WASL: variants seen among roughly 807,000 people sequenced by gnomAD.
The protein encoded by WASL is actin nucleation-promoting factor WASL.
WASL carries 20 observed loss-of-function variants against 55.5 expected under a neutral mutation model. The ratio of observed to expected loss-of-function variants is 0.36; its 90% CI spans 0.25 to 0.52. The LOEUF is 0.52. WASL is among the 20% of genes least tolerant of loss of function. The probability of loss-of-function intolerance (pLI) is 0.92; values close to 1 mark genes in which losing one functional copy is unlikely to be tolerated. For missense variants in WASL, 504 were observed against 622.5 expected (o/e 0.81, Z 2.03); for synonymous variants, 249 against 217.6 (o/e 1.14, Z -1.27).
chr7:123,737,389 AG>A (rs1804252832), intron 1 of WASL, among the ~76,000 whole-genome samples: 1 of 152,112 alleles, frequency 6.6e-6, no homozygotes. Context: ...CGAGGTCAAG[AG>A]ATCAAGACCA....
chr7:123,735,387 A>T (rs1198997876), intron 1 of WASL, among the ~76,000 whole-genome samples: 3 of 151,650 alleles, frequency 2.0e-5, no homozygotes, highest in Non-Finnish European at 4.4e-5. Flanking sequence ...GCAGGAAAAA[A>T]AAAAAAACAG....
intron 1 of WASL, among the ~76,000 whole-genome samples, chr7:123,741,989 A>G (rs557950498): frequency 3.5e-4 from 54 of 152,318 alleles, no homozygotes; most frequent in African/African-American, 1.1e-3. Context: ...CAATTTTTAC[A>G]TTAAAAGATA....
chr7:123,688,152 G>A (rs1421437796), intron 10 of WASL, among the ~76,000 whole-genome samples: 1 of 152,014 alleles, frequency 6.6e-6, no homozygotes, highest in East Asian at 1.9e-4. Flanking sequence ...TTTCTTTAAA[G>A]GAATATTTAT....
At chr7:123,687,549 C>G (rs925980795) in intron 10 of WASL, among the ~76,000 whole-genome samples, 1 of 152,136 alleles carries the variant, frequency 6.6e-6, no homozygotes, top group Non-Finnish European at 1.5e-5. Context: ...AATGTCACCT[C>G]AGTTAGGCTT....
intron 1 of WASL, among the ~76,000 whole-genome samples, chr7:123,744,849 C>T (rs1001136616): frequency 1.3e-5 from 2 of 152,122 alleles, no homozygotes; most frequent in Non-Finnish European, 2.9e-5. Flanking sequence ...TTGTTTATAA[C>T]CTTCTCATTC....
At chr7:123,720,218 C>A in intron 1 of WASL, 1 of 402,886 alleles carries the variant, frequency 2.5e-6, no homozygotes, top group Admixed American at 3.5e-5. Context: ...TTATTTAAAT[C>A]ATTAATTCAA....
intron 10 of WASL, among the ~76,000 whole-genome samples, chr7:123,687,982 CTA>C (rs1692124329): frequency 6.6e-6 from 1 of 152,122 alleles, no homozygotes; most frequent in Admixed American, 6.5e-5. Context: ...ATTCTCACAT[CTA>C]TATGTTTTGT....
chr7:123,722,130 A>G (rs956941218), intron 1 of WASL, among the ~76,000 whole-genome samples: 1 of 152,174 alleles, frequency 6.6e-6, no homozygotes, highest in Non-Finnish European at 1.5e-5. Flanking sequence ...TATGTTAAAA[A>G]TGTTGTCTCT....
intron 5 of WASL, among the ~76,000 whole-genome samples, chr7:123,703,265 T>C (rs188451016): frequency 7.9e-5 from 12 of 152,272 alleles, no homozygotes; most frequent in Admixed American, 5.9e-4. Flanking sequence ...ATGCTGAATC[T>C]TGCTTCACTA....
intron 1 of WASL, among the ~76,000 whole-genome samples, chr7:123,716,399 G>C (rs750418149): frequency 6.6e-6 from 1 of 151,996 alleles, no homozygotes; most frequent in Non-Finnish European, 1.5e-5. Flanking sequence ...TATTTTTGTA[G>C]AGATGGGGTT....
chr7:123,729,822 T>C (rs1319682426), intron 1 of WASL, among the ~76,000 whole-genome samples: 7 of 152,140 alleles, frequency 4.6e-5, no homozygotes, highest in Non-Finnish European at 8.8e-5. Context: ...TTTAATCAAA[T>C]AAAGTTAAAA....
intron 5 of WASL, among the ~76,000 whole-genome samples, chr7:123,698,925 G>A (rs1803533014): frequency 6.6e-6 from 1 of 152,060 alleles, no homozygotes; most frequent in Non-Finnish European, 1.5e-5. Context: ...CTTATCTGGT[G>A]GTCTACTTTT....
chr7:123,695,675 G>GT, intron 7 of WASL, 148 bp downstream of exon 7: 1 of 677,222 alleles, frequency 1.5e-6, no homozygotes, highest in South Asian at 2.2e-5. Flanking sequence ...CAATAATATG[G>GT]TTTTAAACCT....
At position 123,748,477 on chromosome 7, in the gene WASL, A is replaced by AGGGGCC. The variant is rs145691087; in HGVS notation, c.117+135_117+140dup. 6.6e-4 allele frequency: 481 copies of AGGGGCC among 733,156 alleles called. 2 individuals are homozygous for AGGGGCC. In the South Asian group the frequency reaches 7.2e-3, roughly 11 times the overall value. 45.4% of individuals were successfully genotyped at this position (733,156 alleles called of 1,614,324 possible). A position where few individuals can be genotyped will look rare whatever the true frequency, so the allele number is the denominator to read the frequency against. ...TGGGAGCAGGGCGAGGGCGCCGACG[A>AGGGGCC]GGGGCCGGGGCCGGGGCCGGGGCTG... On this transcript the variant is annotated intron_variant, in intron 1 of 10. Transcript: ENST00000223023.
intron 1 of WASL, among the ~76,000 whole-genome samples, chr7:123,717,190 A>AG (rs1803860074): frequency 6.6e-6 from 1 of 152,158 alleles, no homozygotes; most frequent in Non-Finnish European, 1.5e-5. Context: ...CTGGTGCATG[A>AG]GAAAAAAAAA....
chr7:123,720,675 G>A (rs1803930711), intron 1 of WASL, among the ~76,000 whole-genome samples: 1 of 147,334 alleles, frequency 6.8e-6, no homozygotes, highest in Non-Finnish European at 1.5e-5. Context: ...TTTTGAGATG[G>A]AGTCTCATTC....
At chr7:123,747,941 AT>A (rs1207100779) in intron 1 of WASL, among the ~76,000 whole-genome samples, 3 of 152,078 alleles carry the variant, frequency 2.0e-5, no homozygotes, top group Admixed American at 2.0e-4. Flanking sequence ...TTCCCTGCGC[AT>A]GGCTGCGGGG....
At chr7:123,745,885 T>A (rs1432720451) in intron 1 of WASL, among the ~76,000 whole-genome samples, 2 of 152,178 alleles carry the variant, frequency 1.3e-5, no homozygotes, top group Non-Finnish European at 2.9e-5. Context: ...TAAATATAAA[T>A]AATCAGTTAT....
Position 123,692,719 on chromosome 7 carries a change from C to A in WASL, c.975G>T (p.Pro325=), listed in dbSNP as rs1241670026. 6.6e-7 allele frequency: 1 copy of A among 1,510,962 alleles called. No individual in the cohort carries two copies. Among genetic ancestry groups the A allele is most frequent in the Admixed American group, 2.3e-5 (1 of 43,250 alleles). 93.6% of individuals were successfully genotyped at this position (1,510,962 alleles called of 1,614,324 possible). A position where few individuals can be genotyped will look rare whatever the true frequency, so the allele number is the denominator to read the frequency against. ...CTGCTACACTTGGCCTGGAAGGAGG[C>A]GGTGGTGGAGGTGCAGCTGTGGGAG... The part of the protein sequence containing the change: ...SRAPTAAPPP[P]PPSRPSVAVP... The change falls in exon 9 of 11, where the codon CCG becomes CCT. Residue 325 remains proline (P), a synonymous_variant. Transcript: ENST00000223023.
Sources: gnomAD v4.1 joint callset for allele counts (sites outside exome capture counted in the v4.1 genomes callset) on GRCh38, gnomAD v4.1.1 for gene constraint, MANE v1.5 for transcripts, NCBI Gene and HGNC (gene_info 2026-07-23, HGNC 2026-07-21) for gene names.